OPTN: variants seen among roughly 807,000 people sequenced by gnomAD.
The protein encoded by OPTN is optineurin.
In OPTN, 54 loss-of-function variants were observed where a neutral mutation model predicts 70.4. The observed-to-expected ratio is 0.77, with a 90% CI of 0.62 to 0.96. The LOEUF (loss-of-function observed/expected upper bound fraction) is 0.96, where lower values mean the gene tolerates loss of function less well. OPTN is among the 40% of genes least tolerant of loss of function. The pLI, the probability that OPTN is intolerant of heterozygous loss-of-function variation, is 0.00. For missense variants in OPTN, 624 were observed against 673.2 expected (o/e 0.93, Z 0.81); for synonymous variants, 256 against 248.5 (o/e 1.03, Z -0.28).
Position 13,109,233 on chromosome 10 carries a change from G to A in OPTN, c.111G>A (p.Pro37=), listed in dbSNP as rs367658571. The A allele has an allele frequency of 1.9e-5, 31 of 1,613,826 alleles. 1 individual carries two copies. The South Asian group carries it at 2.0e-4, about 10-fold the overall frequency. Residue 37 remains proline, a synonymous_variant, in exon 3 of 15, where the codon CCG becomes CCA. Coordinates refer to ENST00000378747, the MANE Select transcript of OPTN (RefSeq NM_001008212.2). ...ACCCAAACCTGGACACGTTTACCCC[G>A]GAGGAGCTGCTGCAGCAGATGAAAG... ...LAHPNLDTFT[P]EELLQQMKEL... is the part of the protein sequence containing the mutation.
intron 5 of OPTN, among the ~76,000 whole-genome samples, chr10:13,113,772 G>A (rs1460211352): frequency 3.3e-5 from 5 of 152,134 alleles, no homozygotes; most frequent in South Asian, 2.1e-4. Context: ...CAGGAAAAGG[G>A]ACTGGCCGGG....
At chr10:13,131,978 G>C in intron 12 of OPTN, 89 bp from the exon 13 acceptor site, 3 of 1,331,160 alleles carry the variant, frequency 2.3e-6, no homozygotes, top group Non-Finnish European at 3.2e-6. Flanking sequence ...GCTATTGAAG[G>C]ATACAGCACT....
chr10:13,132,202 G>C lies in OPTN; in HGVS notation c.1532+5G>C. The C allele has an allele frequency of 6.2e-7, 1 of 1,611,730 alleles. No individual in the cohort carries two copies. Among genetic ancestry groups the C allele is most frequent in the Non-Finnish European group, 8.5e-7 (1 of 1,178,414 alleles). On this transcript the variant is annotated splice_donor_5th_base_variant and intron_variant, in intron 13 of 14. Transcript: ENST00000378747. ...TGCTTTCGAAGACGGAGGCAGGTAA[G>C]GAAAAGAGAGAGGAGGACCCAGAGC...
chr10:13,116,235 G>A (rs1309777507), intron 5 of OPTN, 32 bp from the exon 6 acceptor site: 2 of 1,346,514 alleles, frequency 1.5e-6, no homozygotes, highest in Non-Finnish European at 2.1e-6. Flanking sequence ...TAGACATATT[G>A]TGTTAAATCC....
At chr10:13,102,772 G>A (rs184968858) in intron 1 of OPTN, among the ~76,000 whole-genome samples, 36 of 152,156 alleles carry the variant, frequency 2.4e-4, no homozygotes, top group Non-Finnish European at 3.7e-4. Context: ...GCAAAACCCT[G>A]TCTCTACTAA....
chr10:13,118,904 A>G lies in OPTN; in HGVS notation c.643A>G (p.Arg215Gly). 6.2e-7 allele frequency: 1 copy of G among 1,614,114 alleles called. No homozygotes were observed. Among genetic ancestry groups the G allele is most frequent in the Non-Finnish European group, 8.5e-7 (1 of 1,179,952 alleles). ...VSTGTALSKY[R>G]SRSADGAKNY... ...ACTGAACAGGGCATTGTCTAAATAT[A>G]GGAGCAGATCTGCAGATGGGGCCAA... The change falls in exon 7 of 15, where the codon AGG (arginine) becomes GGG (glycine). Residue 215 changes from arginine to glycine, a missense_variant. Physicochemically the swap from Arg to Gly is moderately radical, Grantham distance 125. Coordinates refer to ENST00000378747, the MANE Select transcript of OPTN (RefSeq NM_001008212.2).
intron 11 of OPTN, among the ~76,000 whole-genome samples, chr10:13,126,351 G>T (rs1405454469): frequency 6.6e-6 from 1 of 151,020 alleles, no homozygotes; most frequent in Non-Finnish European, 1.5e-5. Flanking sequence ...CGCGATCTCG[G>T]CTCACTGCAA....
chr10:13,107,616 C>T (rs965091883), intron 1 of OPTN, among the ~76,000 whole-genome samples: 2 of 151,822 alleles, frequency 1.3e-5, no homozygotes, highest in African/African-American at 2.4e-5. Context: ...CTCCTGACCT[C>T]GTAATCTGCC....
At chr10:13,100,741 C>T (rs1005510166) in intron 1 of OPTN, among the ~76,000 whole-genome samples, 1 of 152,194 alleles carries the variant, frequency 6.6e-6, no homozygotes, top group Non-Finnish European at 1.5e-5. Flanking sequence ...CGGTGGGAAT[C>T]CACATAGACT....
At chr10:13,109,894 C>CTA (rs1832958119) in intron 3 of OPTN, among the ~76,000 whole-genome samples, 1 of 132,730 alleles carries the variant, frequency 7.5e-6, no homozygotes, top group African/African-American at 2.8e-5. Flanking sequence ...AGAGTTAGTC[C>CTA]TATATATTAC....
intron 13 of OPTN, 107 bp downstream of exon 13, chr10:13,132,304 C>T (rs555015688): frequency 2.5e-5 from 30 of 1,194,122 alleles, no homozygotes; most frequent in Admixed American, 1.9e-4. Context: ...GCTGTGTTCG[C>T]GCCACTGCAC....
chr10:13,104,632 A>G (rs888995322), intron 1 of OPTN: 1 of 688,328 alleles, frequency 1.5e-6, no homozygotes, highest in African/African-American at 1.8e-5. Context: ...CCATTCCAGT[A>G]TTGTTCTGTT....
At chr10:13,118,452 T>A (rs1833267603) in intron 6 of OPTN, among the ~76,000 whole-genome samples, 1 of 152,222 alleles carries the variant, frequency 6.6e-6, no homozygotes, top group East Asian at 1.9e-4. Context: ...ACTTAAGCTG[T>A]GATGGTCTCT....
intron 14 of OPTN, 126 bp from the exon 15 acceptor site, chr10:13,136,619 C>T: frequency 9.1e-7 from 1 of 1,101,430 alleles, no homozygotes; most frequent in Non-Finnish European, 1.3e-6. Flanking sequence ...AACACCTGTG[C>T]TCATGTCCCA....
At position 13,136,787 on chromosome 10, in the gene OPTN, T is replaced by C; in HGVS notation, c.1655T>C (p.Ile552Thr). 1 of 1,614,194 alleles carries C rather than the reference T, an allele frequency of 6.2e-7. No individual in the cohort carries two copies. The highest frequency in any genetic ancestry group is 1.1e-5 in the South Asian group (1 of 91,084). The change falls in exon 15 of 15, where the codon ATT (isoleucine) becomes ACT (threonine). Residue 552 changes from isoleucine to threonine, a missense_variant. Transcript: ENST00000378747. ...TGGCGGCAACAGCGGAATATTCCGATTCATTCCTGCCCCAAGTGTGGAGAG... is the reference window on the plus strand; with the variant it reads ...TGGCGGCAACAGCGGAATATTCCGACTCATTCCTGCCCCAAGTGTGGAGAG... ...RDWRQQRNIP[I>T]HSCPKCGEVL... is the part of the protein sequence containing the mutation.
chr10:13,122,055 A>C (rs148513632), intron 7 of OPTN, among the ~76,000 whole-genome samples: 1 of 152,228 alleles, frequency 6.6e-6, no homozygotes, highest in Non-Finnish European at 1.5e-5. Context: ...ATGAGATACC[A>C]TGTTCATGGA....
intron 11 of OPTN, among the ~76,000 whole-genome samples, chr10:13,126,918 G>C (rs1338625491): frequency 1.3e-5 from 2 of 152,108 alleles, no homozygotes; most frequent in African/African-American, 4.8e-5. Context: ...CAGCTCCTTG[G>C]GAGGCTGAGG....
chr10:13,124,409 T>G (rs1256911105), intron 9 of OPTN, among the ~76,000 whole-genome samples: 1 of 152,142 alleles, frequency 6.6e-6, no homozygotes, highest in African/African-American at 2.4e-5. Flanking sequence ...TGTTACTGAC[T>G]TAAGCTGATG....
chr10:13,103,128 C>A, intron 1 of OPTN, among the ~76,000 whole-genome samples: 1 of 152,050 alleles, frequency 6.6e-6, no homozygotes, highest in East Asian at 1.9e-4. Flanking sequence ...GTCACAATAT[C>A]CCTTCTAGTG....
Sources: gnomAD v4.1 joint callset for allele counts (sites outside exome capture counted in the v4.1 genomes callset) on GRCh38, gnomAD v4.1.1 for gene constraint, MANE v1.5 for transcripts, NCBI Gene and HGNC (gene_info 2026-07-23, HGNC 2026-07-21) for gene names.